TMTC1: variants seen among roughly 807,000 people sequenced by gnomAD.
The protein encoded by TMTC1 is protein O-mannosyl-transferase TMTC1.
TMTC1 carries 73 observed loss-of-function variants against 104.8 expected under a neutral mutation model. The observed-to-expected ratio is 0.70, with a 90% CI of 0.58 to 0.85. The LOEUF (loss-of-function observed/expected upper bound fraction) is 0.85, where lower values mean the gene tolerates loss of function less well. TMTC1 is among the 40% of genes least tolerant of loss of function. The pLI is 0.00. For synonymous variants in TMTC1, 434 were observed against 428.7 expected (o/e 1.01, Z -0.15); for missense variants, 1,035 against 1,096.1 (o/e 0.94, Z 0.79).
chr12:29,524,601 GA>G (rs1184885863), intron 11 of TMTC1, among the ~76,000 whole-genome samples: 2 of 152,148 alleles, frequency 1.3e-5, no homozygotes, highest in Admixed American at 6.5e-5. Flanking sequence ...AGGGGCCTAA[GA>G]ATTATGTCTA....
At chr12:29,650,421 T>A (rs1939462043) in intron 5 of TMTC1, among the ~76,000 whole-genome samples, 1 of 152,058 alleles carries the variant, frequency 6.6e-6, no homozygotes, top group East Asian at 1.9e-4. Flanking sequence ...CTGTGAACTG[T>A]CACCTCTCTT....
At chr12:29,532,090 A>T (rs1003820818) in intron 11 of TMTC1, among the ~76,000 whole-genome samples, 3 of 152,156 alleles carry the variant, frequency 2.0e-5, no homozygotes, top group African/African-American at 7.2e-5. Flanking sequence ...TTCCTACACT[A>T]TTCTTCATTT....
At chr12:29,549,866 G>T (rs1945048544) in intron 10 of TMTC1, among the ~76,000 whole-genome samples, 1 of 152,082 alleles carries the variant, frequency 6.6e-6, no homozygotes, top group Admixed American at 6.6e-5. Flanking sequence ...CCCTAATCAT[G>T]GTTTTGTTTT....
chr12:29,509,898 G>A (rs575376228), intron 17 of TMTC1, among the ~76,000 whole-genome samples: 1 of 152,206 alleles, frequency 6.6e-6, no homozygotes, highest in Non-Finnish European at 1.5e-5. Flanking sequence ...AAAGAGTGCA[G>A]TAGACATACT....
chr12:29,601,481 T>C (rs536595258), intron 7 of TMTC1, among the ~76,000 whole-genome samples: 1 of 152,326 alleles, frequency 6.6e-6, no homozygotes, highest in Non-Finnish European at 1.5e-5. Context: ...GAACTAGATA[T>C]TAGGGCTCTT....
intron 5 of TMTC1, among the ~76,000 whole-genome samples, chr12:29,737,382 G>A (rs2136933386): frequency 6.6e-6 from 1 of 152,320 alleles, no homozygotes; most frequent in South Asian, 2.1e-4. Flanking sequence ...GCTGGGCCTG[G>A]TGGCGCATGC....
intron 5 of TMTC1, among the ~76,000 whole-genome samples, chr12:29,698,575 G>A (rs943160308): frequency 1.2e-4 from 18 of 152,260 alleles, no homozygotes; most frequent in African/African-American, 4.3e-4. Context: ...TAAGTTAGAG[G>A]AAAACTTCAT....
At chr12:29,646,091 T>C (rs986553121) in intron 5 of TMTC1, among the ~76,000 whole-genome samples, 1 of 152,086 alleles carries the variant, frequency 6.6e-6, no homozygotes, top group Non-Finnish European at 1.5e-5. Context: ...TCTTTATCAA[T>C]GTGGAGAGGT....
At chr12:29,622,265 C>G (rs969038585) in intron 6 of TMTC1, among the ~76,000 whole-genome samples, 7 of 152,148 alleles carry the variant, frequency 4.6e-5, no homozygotes, top group African/African-American at 1.4e-4. Context: ...TCTCAAGACA[C>G]TCTGTGAGAA....
intron 17 of TMTC1, among the ~76,000 whole-genome samples, chr12:29,507,526 GATAAGA>G (rs1169709415): frequency 1.3e-5 from 2 of 152,174 alleles, no homozygotes; most frequent in African/African-American, 4.8e-5. Flanking sequence ...GAAAAGACTT[GATAAGA>G]ATGTGAAGTC....
At chr12:29,744,961 T>C (rs1942913379) in intron 5 of TMTC1, among the ~76,000 whole-genome samples, 1 of 152,166 alleles carries the variant, frequency 6.6e-6, no homozygotes, top group African/African-American at 2.4e-5. Context: ...AGTCCTGCTT[T>C]GTCATCCAGG....
chr12:29,649,000 C>T (rs1939398144), intron 5 of TMTC1, among the ~76,000 whole-genome samples: 1 of 152,222 alleles, frequency 6.6e-6, no homozygotes, highest in South Asian at 2.1e-4. Context: ...TGGACAATCA[C>T]CTGTCTTCAG....
At chr12:29,644,090 A>AATTT (rs1565734953) in intron 5 of TMTC1, among the ~76,000 whole-genome samples, 6 of 53,814 alleles carry the variant, frequency 1.1e-4, no homozygotes, top group Non-Finnish European at 1.6e-4. Flanking sequence ...TATAAATATA[A>AATTT]ATATAAATAT....
In TMTC1 at chr12:29,503,674, T is replaced by C. The variant is rs1409197046; in HGVS notation, c.*3172A>G. ...GAAACTCTGATCATTGGTTCAAATG[T>C]TCAGCCAGGCCAAAGCAACTCCTGT... On this transcript the variant is annotated 3_prime_UTR_variant, in exon 18 of 18. Coordinates refer to ENST00000539277, the MANE Select transcript of TMTC1 (RefSeq NM_001193451.2). The C allele has an allele frequency of 6.6e-6, 1 of 152,220 alleles. No individual in the cohort carries two copies. Among genetic ancestry groups the C allele is most frequent in the Non-Finnish European group, 1.5e-5 (1 of 68,050 alleles). The allele number at this position is 152,220 out of a possible 1,614,324, so 9.4% of individuals were successfully genotyped here. A position where few individuals can be genotyped will look rare whatever the true frequency, so the allele number is the denominator to read the frequency against.
At chr12:29,566,629 C>T (rs1229434651) in intron 9 of TMTC1, among the ~76,000 whole-genome samples, 1 of 152,084 alleles carries the variant, frequency 6.6e-6, no homozygotes, top group Admixed American at 6.6e-5. Context: ...CATATTGCTG[C>T]GGTCTAGCTG....
chr12:29,718,999 TAAAAA>T (rs1942161023), intron 5 of TMTC1, among the ~76,000 whole-genome samples: 1 of 147,716 alleles, frequency 6.8e-6, no homozygotes, highest in African/African-American at 2.5e-5. Context: ...TGTAGATAAA[TAAAAA>T]GAAATGATAC....
At chr12:29,761,078 A>G (rs1419250775) in intron 2 of TMTC1, among the ~76,000 whole-genome samples, 4 of 148,034 alleles carry the variant, frequency 2.7e-5, no homozygotes, top group African/African-American at 9.8e-5. Context: ...TTTATATTAC[A>G]GTTATAGAAT....
At position 29,570,514 on chromosome 12, in the gene TMTC1, A is replaced by T. The variant is rs74236386; in HGVS notation, c.1532+1591T>A. Among the ~76,000 whole-genome samples the T allele has an allele frequency of 7.4e-3, 1,122 of 152,338 alleles. 26 individuals carry two copies. The highest frequency in any genetic ancestry group is 0.055 in the East Asian group (283 of 5,192). ...TAATTCTTGTAATATTTGGGAAAAT[A>T]TTTGATAGCAAACTTGATATCTACG... is the stretch of plus-strand genomic sequence containing the variant. On this transcript the variant is annotated intron_variant, in intron 9 of 17. Coordinates refer to ENST00000539277, the MANE Select transcript of TMTC1 (RefSeq NM_001193451.2).
In TMTC1 at chr12:29,583,556, AAGGATGC is replaced by A. The variant is rs1946042834; in HGVS notation, c.1262_1268del (p.Cys421PhefsTer6). 1 of 1,613,094 alleles carries A rather than the reference AAGGATGC, an allele frequency of 6.2e-7. No individual in the cohort carries two copies. The highest frequency in any genetic ancestry group is 1.3e-5 in the African/African-American group (1 of 74,884). ...AGAGCTTGCTCAGTCCATGCACAAA[AAGGATGC>A]AGTAGCCCATGCTGGAAAACAGGGT... On this transcript the variant is annotated frameshift_variant, in exon 8 of 18. Coordinates refer to ENST00000539277, the MANE Select transcript of TMTC1 (RefSeq NM_001193451.2). LOFTEE classifies it high-confidence loss of function.
Sources: gnomAD v4.1 joint callset for allele counts (sites outside exome capture counted in the v4.1 genomes callset) on GRCh38, gnomAD v4.1.1 for gene constraint, MANE v1.5 for transcripts, NCBI Gene and HGNC (gene_info 2026-07-23, HGNC 2026-07-21) for gene names.